Variants in CFAP54 observed in about 807,000 individuals in gnomAD.
CFAP54 encodes the protein cilia and flagella associated protein 54, also known as cilia- and flagella-associated protein 54.
CFAP54 carries 290 observed loss-of-function variants against 370.4 expected under a neutral mutation model. The observed-to-expected ratio is 0.78, with a 90% CI of 0.71 to 0.86. CFAP54 has a LOEUF of 0.86. CFAP54 is among the 40% of genes least tolerant of loss of function. The pLI, the probability that CFAP54 is intolerant of heterozygous loss-of-function variation, is 0.00. For synonymous variants in CFAP54, 1,206 were observed against 1,236.5 expected (o/e 0.98, Z 0.52); for missense variants, 3,399 against 3,528.7 (o/e 0.96, Z 0.93).
At chr12:96,874,097 G>T (rs922723235) in intron 67 of CFAP54, among the ~76,000 whole-genome samples, 1 of 152,070 alleles carries the variant, frequency 6.6e-6, no homozygotes, top group African/African-American at 2.4e-5. Flanking sequence ...CCAGATTCCT[G>T]TAGCCACCTG....
intron 66 of CFAP54, among the ~76,000 whole-genome samples, chr12:96,841,832 T>C (rs1015133758): frequency 6.6e-6 from 1 of 152,234 alleles, no homozygotes; most frequent in African/African-American, 2.4e-5. Flanking sequence ...GATTCTTGGT[T>C]CCGCCACCTA....
At chr12:96,677,972 C>T (rs940994421) in intron 39 of CFAP54, among the ~76,000 whole-genome samples, 18 of 152,172 alleles carry the variant, frequency 1.2e-4, no homozygotes, top group Non-Finnish European at 2.1e-4. Context: ...ATCCTATTCT[C>T]GAGGCATCTC....
In CFAP54 at chr12:96,547,931, T is replaced by C; in HGVS notation, c.2107T>C (p.Phe703Leu). ...DVPLREGTNK[F>L]PGAPKGITEI... ...ACCTTTAAGAGAAGGGACTAACAAA[T>C]TCCCTGGAGCTCCAAAAGGGATCAC... is the stretch of plus-strand genomic sequence containing the variant. Residue 703 changes from phenylalanine to leucine, a missense_variant, in exon 15 of 68, where the codon TTC becomes CTC. Phe to Leu is a conservative substitution (Grantham distance 22). Coordinates refer to ENST00000524981, the MANE Select transcript of CFAP54 (RefSeq NM_001306084.2). 2.7e-6 allele frequency: 4 copies of C among 1,507,696 alleles called. No homozygotes were observed. The highest frequency in any genetic ancestry group is 2.7e-6 in the Non-Finnish European group (3 of 1,128,992). 93.4% of individuals were successfully genotyped at this position (1,507,696 alleles called of 1,614,324 possible). A position where few individuals can be genotyped will look rare whatever the true frequency, so the allele number is the denominator to read the frequency against.
intron 66 of CFAP54, among the ~76,000 whole-genome samples, chr12:96,848,922 T>C (rs1052250043): frequency 1.3e-4 from 20 of 152,192 alleles, no homozygotes; most frequent in African/African-American, 4.8e-4. Flanking sequence ...TCCTGTTAGA[T>C]TGGGGAGAAT....
rs759694625 is a variant in CFAP54, at chr12:96,743,798, G to A, written c.7445G>A (p.Ser2482Asn). 40 of 1,613,776 alleles carry A rather than the reference G, an allele frequency of 2.5e-5. No homozygotes were observed. The East Asian group carries it at 8.7e-4, about 35-fold the overall frequency. ...SPQSRLTLAR[S>N]LVLLDDLTKA... is the part of the protein sequence containing the mutation. ...CAATCACGGCTAACCCTGGCAAGAA[G>A]CCTAGTTTTGCTGGATGACTTAACC... Residue 2482 changes from serine (S) to asparagine (N), a missense_variant, in exon 54 of 68, where the codon AGC becomes AAC. This residue lies in a region of CFAP54 where 2,796 missense variants were observed against 2,869.7 expected (regional missense o/e 0.97). Transcript: ENST00000524981.
chr12:96,755,892 T>C (rs1325914481), intron 56 of CFAP54, among the ~76,000 whole-genome samples: 1 of 152,048 alleles, frequency 6.6e-6, no homozygotes, highest in Admixed American at 6.6e-5. Context: ...GGTCTCGAAC[T>C]CCTGACCTTG....
chr12:96,616,377 G>A (rs1029401917), intron 26 of CFAP54, among the ~76,000 whole-genome samples: 3 of 152,074 alleles, frequency 2.0e-5, no homozygotes, highest in African/African-American at 7.2e-5. Context: ...TGGTGGGAGG[G>A]GGGAGGGATA....
chr12:96,829,670 G>A (rs1959164923), intron 66 of CFAP54, among the ~76,000 whole-genome samples: 1 of 151,672 alleles, frequency 6.6e-6, no homozygotes, highest in African/African-American at 2.4e-5. Flanking sequence ...TTAGGGATTG[G>A]ATTTGGAGTA....
intron 30 of CFAP54, 147 bp from the exon 31 acceptor site, chr12:96,629,946 A>G (rs1349510321): frequency 7.2e-6 from 3 of 414,136 alleles, no homozygotes. Flanking sequence ...TGCTGAACAG[A>G]GATATCACAG....
chr12:96,801,343 T>C (rs978938473), intron 63 of CFAP54, among the ~76,000 whole-genome samples: 1 of 152,214 alleles, frequency 6.6e-6, no homozygotes, highest in African/African-American at 2.4e-5. Flanking sequence ...TAGAATATAA[T>C]AGAACCACAT....
Position 96,720,540 on chromosome 12 carries a change from C to A in CFAP54, c.6940C>A (p.Leu2314Met). ...CCGGCTTCAGCTGGCTGCAGTTGCT[C>A]TGCAGAGGCACCGGGCGGCATACAG... ...EARLQLAAVALQRHRAAYSAA... is the reference protein window; with the variant it reads ...EARLQLAAVAMQRHRAAYSAA... The change falls in exon 50 of 68, where the codon CTG becomes ATG. Residue 2314 changes from leucine to methionine, a missense_variant. Physicochemically the swap from Leu to Met is conservative, Grantham distance 15. Coordinates refer to ENST00000524981, the MANE Select transcript of CFAP54 (RefSeq NM_001306084.2). The A allele has an allele frequency of 6.4e-7, 1 of 1,572,790 alleles. No individual in the cohort carries two copies. The highest frequency in any genetic ancestry group is 8.7e-7 in the Non-Finnish European group (1 of 1,156,056).
intron 26 of CFAP54, among the ~76,000 whole-genome samples, chr12:96,604,069 G>A (rs1956274305): frequency 6.6e-6 from 1 of 152,188 alleles, no homozygotes; most frequent in Non-Finnish European, 1.5e-5. Flanking sequence ...CTTCTGCTCT[G>A]GTTTCTCCCC....
intron 32 of CFAP54, among the ~76,000 whole-genome samples, chr12:96,638,534 G>A (rs530478909): frequency 1.3e-5 from 2 of 151,662 alleles, no homozygotes; most frequent in South Asian, 4.2e-4. Context: ...CACTGCACCT[G>A]GCCTGCATCC....
chr12:96,855,919 G>A (rs745427530), intron 66 of CFAP54, among the ~76,000 whole-genome samples: 23 of 152,188 alleles, frequency 1.5e-4, no homozygotes, highest in East Asian at 9.6e-4. Context: ...GAGGTTCTCC[G>A]TGAGGGCCCT....
intron 46 of CFAP54, among the ~76,000 whole-genome samples, chr12:96,704,234 T>C (rs539453195): frequency 3.0e-4 from 45 of 151,874 alleles, no homozygotes; most frequent in Admixed American, 2.4e-3. Flanking sequence ...AAGACCATCC[T>C]GGCTAACACG....
At chr12:96,843,886 C>T (rs1026186680) in intron 66 of CFAP54, among the ~76,000 whole-genome samples, 1 of 152,116 alleles carries the variant, frequency 6.6e-6, no homozygotes. Context: ...TTTGCTTATA[C>T]CCTATCAGTC....
intron 50 of CFAP54, among the ~76,000 whole-genome samples, chr12:96,721,916 C>T (rs1045215042): frequency 1.5e-4 from 23 of 152,192 alleles, no homozygotes; most frequent in South Asian, 4.2e-4. Flanking sequence ...TGGAGGGGGA[C>T]GAGTTACCAT....
At chr12:96,699,169 T>A (rs909081287) in intron 45 of CFAP54, among the ~76,000 whole-genome samples, 6 of 152,122 alleles carry the variant, frequency 3.9e-5, no homozygotes, top group Admixed American at 3.9e-4. Context: ...AAGTTATACT[T>A]CTATGCAAAC....
intron 13 of CFAP54, 177 bp downstream of exon 13, chr12:96,538,695 T>C: frequency 3.2e-6 from 2 of 626,812 alleles, no homozygotes; most frequent in Non-Finnish European, 5.3e-6. Context: ...TCTTTTAATG[T>C]GTGTTCCCTG....
Sources: gnomAD v4.1 joint callset for allele counts (sites outside exome capture counted in the v4.1 genomes callset) on GRCh38, gnomAD v4.1.1 for gene constraint, gnomAD v4.1.1 regional missense constraint, MANE v1.5 for transcripts, NCBI Gene and HGNC (gene_info 2026-07-23, HGNC 2026-07-21) for gene names.